KHDC1: variants seen among roughly 807,000 people sequenced by gnomAD.
KHDC1 encodes KH domain containing 1, also known as KH homology domain-containing protein 1.
A neutral mutation model predicts 24.7 loss-of-function variants in KHDC1; 21 were observed. The observed-to-expected ratio is 0.85, with a 90% CI of 0.60 to 1.23. KHDC1 has a LOEUF of 1.23. Among genes scored for constraint, KHDC1 ranks in the 50% most tolerant of loss-of-function variants. The probability of loss-of-function intolerance (pLI) is 0.00; values close to 1 mark genes in which losing one functional copy is unlikely to be tolerated. For synonymous variants in KHDC1, 98 were observed against 111.7 expected, an observed-to-expected ratio of 0.88 and a Z score of 0.77; for missense variants, 274 against 298.5, an observed-to-expected ratio of 0.92 and a Z score of 0.61.
At chr6:73,287,521 T>A (rs757402742) in intron 2 of KHDC1, among the ~76,000 whole-genome samples, 2 of 152,174 alleles carry the variant, frequency 1.3e-5, no homozygotes, top group Non-Finnish European at 2.9e-5. Flanking sequence ...TTTCCAGACA[T>A]ACGCCAGTTT....
chr6:73,252,904 A>G (rs541650251), intron 2 of KHDC1, among the ~76,000 whole-genome samples: 14 of 152,322 alleles, frequency 9.2e-5, no homozygotes, highest in African/African-American at 3.4e-4. Flanking sequence ...CTCTGTCCCA[A>G]TAAAACTTTA....
intron 2 of KHDC1, chr6:73,276,190 G>A (rs117509277): frequency 0.01 from 1,512 of 150,614 alleles, 19 homozygotes; most frequent in East Asian, 0.058. Context: ...GTGAGATTCT[G>A]TCTAAAAAAA....
exon 5 of KHDC1, chr6:73,241,369 C>G: frequency 1.5e-6 from 1 of 646,390 alleles, no homozygotes; most frequent in Non-Finnish European, 2.7e-6. Context: ...CACTTTCTTA[C>G]ATTCAAGAGA....
exon 3 of KHDC1, chr6:73,242,448 T>A: frequency 6.2e-7 from 1 of 1,614,176 alleles, no homozygotes; most frequent in Non-Finnish European, 8.5e-7. Flanking sequence ...TGAAACACCA[T>A]TGGTGCATGA....
At chr6:73,256,377 T>C (rs1471579128) in intron 2 of KHDC1, among the ~76,000 whole-genome samples, 1 of 152,180 alleles carries the variant, frequency 6.6e-6, no homozygotes, top group Non-Finnish European at 1.5e-5. Context: ...CATTAAAAAA[T>C]GGCCATTATG....
chr6:73,289,880 C>G (rs560482481), intron 2 of KHDC1, among the ~76,000 whole-genome samples: 83 of 151,678 alleles, frequency 5.5e-4, no homozygotes, highest in African/African-American at 1.9e-3. Context: ...GCGGGTGGAT[C>G]ATGAGGTCAG....
At chr6:73,293,206 G>C (rs1466390201) in intron 1 of KHDC1, 2 of 692,376 alleles carry the variant, frequency 2.9e-6, no homozygotes, top group East Asian at 3.0e-5. Context: ...CATGAATATT[G>C]AGAAGAAACT....
intron 2 of KHDC1, among the ~76,000 whole-genome samples, chr6:73,267,484 AAAAAAAG>A (rs1339135744): frequency 2.6e-5 from 4 of 152,164 alleles, no homozygotes; most frequent in Admixed American, 1.3e-4. Context: ...CTCCATCTCA[AAAAAAAG>A]AAAAAAGAAA....
chr6:73,275,093 C>T (rs1451772977), intron 2 of KHDC1: 1 of 152,590 alleles, frequency 6.6e-6, no homozygotes, highest in Non-Finnish European at 1.5e-5. Flanking sequence ...TGGCTCATGC[C>T]TGTAATCCCA....
At chr6:73,256,612 T>G (rs1236533832) in intron 2 of KHDC1, among the ~76,000 whole-genome samples, 2 of 152,214 alleles carry the variant, frequency 1.3e-5, no homozygotes, top group African/African-American at 4.8e-5. Flanking sequence ...ACTGGTGACT[T>G]CACACTTTAG....
At chr6:73,280,514 CTTTTTTTTTT>C (rs55832102) in intron 2 of KHDC1, among the ~76,000 whole-genome samples, 1 of 117,462 alleles carries the variant, frequency 8.5e-6, no homozygotes, top group Non-Finnish European at 1.8e-5. Context: ...TCTTTAATTT[CTTTTTTTTTT>C]TTTTTTTTTT....
intron 1 of KHDC1, among the ~76,000 whole-genome samples, chr6:73,297,337 A>G (rs1317351261): frequency 6.6e-6 from 1 of 152,112 alleles, no homozygotes; most frequent in Non-Finnish European, 1.5e-5. Flanking sequence ...TCCCACTAAA[A>G]TATAGATTTC....
At position 73,291,101 on chromosome 6, in the gene KHDC1, A is replaced by G. The variant is rs9442900; in HGVS notation, c.206+897T>C. 2.2e-3 allele frequency: 1,064 copies of G among 483,378 alleles called. 13 individuals carry two copies. The highest frequency in any genetic ancestry group is 0.019 in the African/African-American group (946 of 50,856). The allele number at this position is 483,378 out of a possible 1,614,324, so 29.9% of individuals were successfully genotyped here. On this transcript the variant is annotated intron_variant, in intron 2 of 4. Coordinates refer to ENST00000370384, the Ensembl canonical transcript of KHDC1. ...ACTGCTGTAGTGCAAGTTTACTGCT[A>G]CTCAATCTGAGGTTGCAGACTGGTT...
intron 2 of KHDC1, among the ~76,000 whole-genome samples, chr6:73,249,014 G>A (rs1174043411): frequency 6.6e-6 from 1 of 151,884 alleles, no homozygotes; most frequent in Admixed American, 6.6e-5. Context: ...GTGTTAACAG[G>A]ACACTTGGAT....
chr6:73,308,301 C>T (rs1366153423), intron 1 of KHDC1, among the ~76,000 whole-genome samples: 4 of 151,862 alleles, frequency 2.6e-5, no homozygotes, highest in Non-Finnish European at 4.4e-5. Context: ...GTCTTGATCC[C>T]CTGACCTCAT....
chr6:73,261,413 G>A (rs1391548662), intron 2 of KHDC1, among the ~76,000 whole-genome samples: 1 of 151,892 alleles, frequency 6.6e-6, no homozygotes, highest in Non-Finnish European at 1.5e-5. Flanking sequence ...ACTGCCTGGT[G>A]ACAGAGCTAG....
chr6:73,303,684 T>C (rs1767914849), intron 1 of KHDC1, among the ~76,000 whole-genome samples: 1 of 152,204 alleles, frequency 6.6e-6, no homozygotes, highest in South Asian at 2.1e-4. Flanking sequence ...CAAACTGAGA[T>C]GCATTCTAGA....
chr6:73,249,369 A>G (rs1007906731), intron 2 of KHDC1, among the ~76,000 whole-genome samples: 30 of 152,322 alleles, frequency 2.0e-4, no homozygotes, highest in Admixed American at 6.5e-4. Context: ...GCTGCCAGCT[A>G]GGGCCAGCTG....
Position 73,273,953 on chromosome 6 carries a change from A to T in KHDC1, c.206+18045T>A, listed in dbSNP as rs540868307. On this transcript the variant is annotated intron_variant, in intron 2 of 4. Transcript: ENST00000370384. ...AGCAACCTAATGAAACTGCATCTCC[A>T]TAAAAAATAAAAAGTTAACCAGGTG... is the stretch of plus-strand genomic sequence containing the variant. 2.6e-5 allele frequency among the ~76,000 whole-genome samples: 4 copies of T among 152,278 alleles called. 1 individual carries two copies. The South Asian group carries it at 8.3e-4, about 32-fold the overall frequency.
Sources: allele counts gnomAD v4.1 joint callset (sites outside exome capture counted in the v4.1 genomes callset), GRCh38; gene constraint gnomAD v4.1.1; transcripts MANE v1.5; gene names NCBI Gene and HGNC (gene_info 2026-07-23, HGNC 2026-07-21).